The following WFDC5 variants were observed in gnomAD, a reference collection of about 807,000 sequenced individuals.
WFDC5 encodes WAP four-disulfide core domain 5.
Under a neutral mutation model 15.7 loss-of-function variants are expected in WFDC5, and 15 were observed. The ratio of observed to expected loss-of-function variants is 0.96; its 90% CI spans 0.64 to 1.47. The LOEUF (loss-of-function observed/expected upper bound fraction) is 1.47. Ranked by LOEUF, WFDC5 falls within the 40% of genes most tolerant of loss-of-function variation. WFDC5 has a pLI of 0.00. For synonymous variants in WFDC5, 109 were observed against 107.7 expected (o/e 1.01, Z -0.07); for missense variants, 280 against 258.0 (o/e 1.09, Z -0.59).
exon 2 of WFDC5, chr20:45,110,697 C>T (rs1600608082): frequency 6.2e-7 from 1 of 1,614,204 alleles, no homozygotes; most frequent in East Asian, 2.2e-5. Context: ...GGTCAAGGGA[C>T]ACTGGCTGTC....
chr20:45,114,437 A>G (rs1383963845), intron 1 of WFDC5, among the ~76,000 whole-genome samples: 2 of 152,114 alleles, frequency 1.3e-5, no homozygotes, highest in Admixed American at 1.3e-4. Flanking sequence ...CACAAAGCCC[A>G]GATCCCAGAA....
At chr20:45,114,815 A>G (rs1457229088) in intron 1 of WFDC5, among the ~76,000 whole-genome samples, 184 bp downstream of exon 1, 3 of 151,978 alleles carry the variant, frequency 2.0e-5, no homozygotes, top group Admixed American at 6.6e-5. Context: ...ATGTACACAC[A>G]TAAAAACACA....
At chr20:45,114,362 T>C (rs977365657) in intron 1 of WFDC5, among the ~76,000 whole-genome samples, 7 of 152,084 alleles carry the variant, frequency 4.6e-5, no homozygotes, top group African/African-American at 1.7e-4. Flanking sequence ...GCCCCAGCCT[T>C]GTCAGGGGTG....
exon 4 of WFDC5, chr20:45,109,691 T>C (rs1167466082): frequency 1.4e-6 from 1 of 702,236 alleles, no homozygotes; most frequent in Non-Finnish European, 2.7e-6. Context: ...ATTGGGCATT[T>C]TTGGTGGAGG....
chr20:45,110,890 G>T (rs1453523226), intron 1 of WFDC5, 115 bp from the exon 2 acceptor site: 2 of 1,400,282 alleles, frequency 1.4e-6, no homozygotes, highest in Admixed American at 4.3e-5. Context: ...CCTGTCTTTT[G>T]GCTAGTTGTT....
upstream of WFDC5, chr20:45,115,201 G>T: frequency 1.1e-6 from 1 of 913,514 alleles, no homozygotes; most frequent in Non-Finnish European, 1.6e-6. Context: ...CACCGTGCCT[G>T]CTTCATCTTG....
chr20:45,115,309 T>A (rs1324890118), upstream of WFDC5: 8 of 538,666 alleles, frequency 1.5e-5, no homozygotes, highest in Admixed American at 1.2e-4. Flanking sequence ...GGGACTCAGA[T>A]CCAGTCTTGC....
At chr20:45,110,651 A>C in exon 2 of WFDC5, 1 of 1,614,068 alleles carries the variant, frequency 6.2e-7, no homozygotes. Flanking sequence ...CCCTGGGGAC[A>C]CACTGGCGGA....
At position 45,110,634 on chromosome 20, in the gene WFDC5, C is replaced by T. The variant is rs747481142; in HGVS notation, c.226+1G>A. ...CAGCAAGGTGGAGGGGAGGCATTTA[C>T]CAGAGACCCTGGGGACACACTGGCG... On this transcript the variant is annotated splice_donor_variant, in intron 2 of 3. Coordinates refer to ENST00000307971, the Ensembl canonical transcript of WFDC5. LOFTEE classifies it high-confidence loss of function. 1.9e-6 allele frequency: 3 copies of T among 1,613,952 alleles called. No homozygotes were observed. The highest frequency in any genetic ancestry group is 2.2e-5 in the South Asian group (2 of 91,062).
intron 1 of WFDC5, among the ~76,000 whole-genome samples, chr20:45,114,676 TACACAG>T (rs1040960295): frequency 2.0e-5 from 3 of 151,534 alleles, no homozygotes; most frequent in African/African-American, 7.3e-5. Flanking sequence ...GACACATGTC[TACACAG>T]ACACAGGCAC....
chr20:45,113,219 A>C (rs987455606), intron 1 of WFDC5, among the ~76,000 whole-genome samples: 5 of 152,202 alleles, frequency 3.3e-5, no homozygotes, highest in Non-Finnish European at 7.3e-5. Context: ...AGGGGGCAGA[A>C]TGGGGAGCTC....
At chr20:45,112,928 T>C (rs1345566157) in intron 1 of WFDC5, among the ~76,000 whole-genome samples, 2 of 152,160 alleles carry the variant, frequency 1.3e-5, no homozygotes, top group Non-Finnish European at 2.9e-5. Flanking sequence ...ATCACTGTCA[T>C]TTACACATGC....
At chr20:45,112,287 A>T (rs1357272777) in intron 1 of WFDC5, among the ~76,000 whole-genome samples, 1 of 152,060 alleles carries the variant, frequency 6.6e-6, no homozygotes, top group Non-Finnish European at 1.5e-5. Context: ...AGCTGCGTGC[A>T]CTCAAAGCCG....
At chr20:45,111,288 A>G (rs60104977) in intron 1 of WFDC5, among the ~76,000 whole-genome samples, 1 of 45,264 alleles carries the variant, frequency 2.2e-5, no homozygotes, top group Non-Finnish European at 4.4e-5. Context: ...GCGCCCCCCC[A>G]CCCCGGCCCC....
exon 4 of WFDC5, chr20:45,109,721 G>A (rs1049566056): frequency 2.0e-5 from 14 of 716,536 alleles, no homozygotes; most frequent in African/African-American, 1.9e-4. Flanking sequence ...GTACGGATTG[G>A]TGTGAAAGCG....
intron 1 of WFDC5, among the ~76,000 whole-genome samples, chr20:45,111,901 C>T (rs1246464209): frequency 6.6e-6 from 1 of 152,128 alleles, no homozygotes; most frequent in African/African-American, 2.4e-5. Context: ...CCCAGGTCTT[C>T]AATTCAATCC....
intron 3 of WFDC5, 29 bp from the exon 4 acceptor site, chr20:45,110,042 C>A: frequency 6.2e-7 from 1 of 1,606,826 alleles, no homozygotes; most frequent in East Asian, 2.2e-5. Context: ...AGGGTTAATT[C>A]CTTCCCATAA....
intron 3 of WFDC5, 136 bp from the exon 4 acceptor site, chr20:45,110,149 G>A: frequency 7.5e-7 from 1 of 1,335,942 alleles, no homozygotes; most frequent in South Asian, 1.5e-5. Flanking sequence ...CTTCAAAAGG[G>A]CAAACAGAAG....
chr20:45,111,557 G>T (rs1045163409), intron 1 of WFDC5, among the ~76,000 whole-genome samples: 1 of 152,224 alleles, frequency 6.6e-6, no homozygotes, highest in Non-Finnish European at 1.5e-5. Context: ...CACGTCTTCT[G>T]CACCGTTGCG....
Sources: gnomAD v4.1 joint callset for allele counts (sites outside exome capture counted in the v4.1 genomes callset) on GRCh38, gnomAD v4.1.1 for gene constraint, MANE v1.5 for transcripts, NCBI Gene and HGNC (gene_info 2026-07-23, HGNC 2026-07-21) for gene names.